The following ZNF235 variants were observed in gnomAD, a reference collection of about 807,000 sequenced individuals.
ZNF235 encodes zinc finger protein 235, also known as zfp-93.
Under a neutral mutation model 29.4 loss-of-function variants are expected in ZNF235, and 25 were observed. That is an observed-to-expected ratio of 0.85 (90% CI 0.62 to 1.19). ZNF235 has a LOEUF of 1.19. Ranked by LOEUF, ZNF235 falls within the 50% of genes most tolerant of loss-of-function variation. The probability of loss-of-function intolerance (pLI) is 0.00; values close to 1 mark genes in which losing one functional copy is unlikely to be tolerated. For missense variants in ZNF235, 788 were observed against 885.0 expected, an observed-to-expected ratio of 0.89 and a Z score of 1.39; for synonymous variants, 300 against 295.3, an observed-to-expected ratio of 1.02 and a Z score of -0.16.
rs1365997966 is a variant in ZNF235, at chr19:44,303,374, G to A, written c.15+16C>T. The A allele has an allele frequency of 1.2e-6, 2 of 1,611,640 alleles. No homozygotes were observed. Among genetic ancestry groups the A allele is most frequent in the Non-Finnish European group, 1.7e-6 (2 of 1,178,646 alleles). ...GAGATGTCATTTTAAGAAACACAAA[G>A]GCAAACCAAACTTACCTGGAACTTG... On this transcript the variant is annotated intron_variant, in intron 2 of 4. Coordinates refer to ENST00000291182, the MANE Select transcript of ZNF235 (RefSeq NM_004234.4).
chr19:44,289,748 A>G (rs1975560922), intron 4 of ZNF235: 1 of 152,296 alleles, frequency 6.6e-6, no homozygotes, highest in African/African-American at 2.4e-5. Flanking sequence ...GCCTATAAGA[A>G]TGGTAAATTA....
chr19:44,303,853 C>T (rs1016214934), intron 1 of ZNF235, among the ~76,000 whole-genome samples: 4 of 152,166 alleles, frequency 2.6e-5, no homozygotes, highest in Admixed American at 1.3e-4. Flanking sequence ...AATTCAGTTA[C>T]CTGTGAATGG....
Position 44,304,985 on chromosome 19 carries a change from T to C in ZNF235, c.-63A>G, listed in dbSNP as rs369478129. 2 of 976,962 alleles carry C rather than the reference T, an allele frequency of 2.0e-6. No individual in the cohort carries two copies. Among genetic ancestry groups the C allele is most frequent in the South Asian group, 4.7e-5 (1 of 21,116 alleles). The allele number at this position is 976,962 out of a possible 1,614,324, so 60.5% of individuals were successfully genotyped here. ...AGCTGACTCACCTCCCTGGGAGATA[T>C]CTCAGATCCGACCTCGCCTTCCTGG... On this transcript the variant is annotated 5_prime_UTR_variant, in exon 1 of 5. Transcript: ENST00000291182.
chr19:44,303,867 CAAT>C lies in ZNF235; in HGVS notation c.-48-418_-48-416del, dbSNP rs112696785. ...TAATTCAGTTACCTGTGAATGGGGA[CAAT>C]AATAATGCCTGTATTCTCTATTTCC... On this transcript the variant is annotated intron_variant, in intron 1 of 4. Coordinates refer to ENST00000291182, the MANE Select transcript of ZNF235 (RefSeq NM_004234.4). Among the ~76,000 whole-genome samples the C allele has an allele frequency of 2.0e-3, 300 of 152,272 alleles. 1 individual carries two copies. The highest frequency in any genetic ancestry group is 6.9e-3 in the African/African-American group (288 of 41,536).
At chr19:44,289,350 G>A in intron 4 of ZNF235, 154 bp from the exon 5 acceptor site, 1 of 661,868 alleles carries the variant, frequency 1.5e-6, no homozygotes, top group Non-Finnish European at 2.4e-6. Context: ...AAAAGCAGCT[G>A]CAACCAAGAG....
intron 4 of ZNF235, among the ~76,000 whole-genome samples, chr19:44,293,850 T>G (rs1975616964): frequency 6.6e-6 from 1 of 151,714 alleles, no homozygotes; most frequent in Non-Finnish European, 1.5e-5. Flanking sequence ...ATTTTAAAAT[T>G]TCTTGAAATG....
At chr19:44,302,908 A>T (rs1975760584) in intron 2 of ZNF235, among the ~76,000 whole-genome samples, 2 of 117,076 alleles carry the variant, frequency 1.7e-5, no homozygotes, top group Non-Finnish European at 3.7e-5. Context: ...GTATATAAAT[A>T]TATACGTATA....
chr19:44,288,278 C>A lies in ZNF235; in HGVS notation c.1157G>T (p.Arg386Leu). 6.2e-7 allele frequency: 1 copy of A among 1,613,798 alleles called. No individual in the cohort carries two copies. The highest frequency in any genetic ancestry group is 8.5e-7 in the Non-Finnish European group (1 of 1,179,938). ...GCAATGAATGTTAAGATCTGTGCTACGACTGAAGCCCTTCCCACAACTGTC... is the reference window on the plus strand; with the variant it reads ...GCAATGAATGTTAAGATCTGTGCTAAGACTGAAGCCCTTCCCACAACTGTC... ...RCDSCGKGFS[R>L]STDLNIHCRV... is the part of the protein sequence containing the mutation. Residue 386 changes from arginine (R) to leucine (L), a missense_variant, in exon 5 of 5, where the codon CGT (arginine) becomes CTT (leucine). By Grantham distance (102) the Arg-to-Leu change is moderately radical. Transcript: ENST00000291182.
At chr19:44,289,944 G>C (rs1975564000) in intron 4 of ZNF235, 1 of 152,182 alleles carries the variant, frequency 6.6e-6, no homozygotes, top group Admixed American at 6.5e-5. Context: ...CCAACAGCTA[G>C]TAAACCAAGT....
At chr19:44,302,859 T>C (rs1014614306) in intron 2 of ZNF235, among the ~76,000 whole-genome samples, 7 of 129,204 alleles carry the variant, frequency 5.4e-5, no homozygotes, top group South Asian at 5.7e-4. Context: ...AGTAAATATA[T>C]ACTTATATAT....
chr19:44,297,223 G>C (rs1187155655), intron 4 of ZNF235: 2 of 197,176 alleles, frequency 1.0e-5, no homozygotes, highest in Non-Finnish European at 2.2e-5. Context: ...CCTACACCAA[G>C]TATGCCATCA....
intron 3 of ZNF235, among the ~76,000 whole-genome samples, 183 bp downstream of exon 3, chr19:44,299,423 T>C (rs973753033): frequency 1.4e-4 from 21 of 152,174 alleles, no homozygotes; most frequent in African/African-American, 4.3e-4. Context: ...TCTAAAGAGA[T>C]AGAAAAACTC....
At chr19:44,297,426 C>A (rs1219185441) in intron 4 of ZNF235, 1 of 153,344 alleles carries the variant, frequency 6.5e-6, no homozygotes, top group Non-Finnish European at 1.5e-5. Context: ...AAGCAAAAAA[C>A]AAAACCAAAT....
rs1369702472 is a variant in ZNF235, at chr19:44,289,235, G to C, written c.239-39C>G. The C allele has an allele frequency of 2.0e-6, 3 of 1,535,690 alleles. No homozygotes were observed. The East Asian group carries it at 6.8e-5, about 35-fold the overall frequency. On this transcript the variant is annotated intron_variant, in intron 4 of 4. Coordinates refer to ENST00000291182, the MANE Select transcript of ZNF235 (RefSeq NM_004234.4). Reference sequence around the variant, plus strand: ...GAGAATAAGGAATAAAGGACCAAGAGACTGACATTAGCAAAGTAGAGAATT... The same window carrying C: ...GAGAATAAGGAATAAAGGACCAAGACACTGACATTAGCAAAGTAGAGAATT...
At position 44,288,901 on chromosome 19, in the gene ZNF235, T is replaced by C. The variant is rs1272824716; in HGVS notation, c.534A>G (p.Lys178=). The C allele has an allele frequency of 6.2e-7, 1 of 1,614,062 alleles. No homozygotes were observed. ...ATATTTTACTCCAAGAATTCGGAACTTTCCCAGTTGGAAATTCTTGATTTT... is the reference window on the plus strand; with the variant it reads ...ATATTTTACTCCAAGAATTCGGAACCTTCCCAGTTGGAAATTCTTGATTTT... ...IIENQEFPTG[K]VPNSWSKIYL... The change falls in exon 5 of 5, where the codon AAA becomes AAG. Residue 178 remains lysine (K), a synonymous_variant. Coordinates refer to ENST00000291182, the MANE Select transcript of ZNF235 (RefSeq NM_004234.4).
chr19:44,299,751 G>A lies in ZNF235; in HGVS notation c.16-19C>T. The A allele has an allele frequency of 6.2e-7, 1 of 1,613,642 alleles. No individual in the cohort carries two copies. The highest frequency in any genetic ancestry group is 1.7e-5 in the Admixed American group (1 of 59,990). On this transcript the variant is annotated intron_variant, in intron 2 of 4. Coordinates refer to ENST00000291182, the MANE Select transcript of ZNF235 (RefSeq NM_004234.4). ...CTGCCTCCTAGAACATCAAGCACATGTAACCTCAATCTCACACCCAATGGC... is the reference window on the plus strand; with the variant it reads ...CTGCCTCCTAGAACATCAAGCACATATAACCTCAATCTCACACCCAATGGC...
intron 2 of ZNF235, among the ~76,000 whole-genome samples, chr19:44,301,635 T>G (rs1438601023): frequency 6.6e-6 from 1 of 152,150 alleles, no homozygotes; most frequent in East Asian, 1.9e-4. Flanking sequence ...CACGCCCAGC[T>G]AATTTTTGTA....
intron 2 of ZNF235, among the ~76,000 whole-genome samples, chr19:44,301,192 C>T (rs966381358): frequency 5.9e-5 from 9 of 152,098 alleles, no homozygotes; most frequent in Admixed American, 1.3e-4. Context: ...ATTCCTACCC[C>T]GCACCTGTTT....
At position 44,287,514 on chromosome 19, in the gene ZNF235, T is replaced by A; in HGVS notation, c.1921A>T (p.Asn641Tyr). Reference sequence around the variant, plus strand: ...TGAATTATCTGATGGACTTGAAGATTTGACCTCTGGCTGAAGGCCTTACCA... The same window carrying A: ...TGAATTATCTGATGGACTTGAAGATATGACCTCTGGCTGAAGGCCTTACCA... ...TCGKAFSQRS[N>Y]LQVHQIIHTG... is the part of the protein sequence containing the mutation. Residue 641 changes from asparagine to tyrosine, a missense_variant, in exon 5 of 5, where the codon AAT (asparagine) becomes TAT (tyrosine). Physicochemically the swap from Asn to Tyr is moderately radical, Grantham distance 143 (BLOSUM62 -2). Transcript: ENST00000291182. The A allele has an allele frequency of 6.2e-7, 1 of 1,613,902 alleles. No homozygotes were observed. Among genetic ancestry groups the A allele is most frequent in the Non-Finnish European group, 8.5e-7 (1 of 1,179,968 alleles).
Sources: gnomAD v4.1 joint callset for allele counts (sites outside exome capture counted in the v4.1 genomes callset) on GRCh38, gnomAD v4.1.1 for gene constraint, MANE v1.5 for transcripts, NCBI Gene and HGNC (gene_info 2026-07-23, HGNC 2026-07-21) for gene names.